Variants in PRKAR1B observed in about 807,000 individuals in gnomAD.
PRKAR1B encodes protein kinase cAMP-dependent type I regulatory subunit beta.
In PRKAR1B, 22 loss-of-function variants were observed where a neutral mutation model predicts 46.5. That is an observed-to-expected ratio of 0.47 (90% CI 0.34 to 0.68). The LOEUF is 0.68. PRKAR1B is among the 30% of genes least tolerant of loss of function. PRKAR1B has a pLI of 0.01. For missense variants in PRKAR1B, 445 were observed against 535.6 expected (o/e 0.83, Z 1.67); for synonymous variants, 259 against 217.7 (o/e 1.19, Z -1.67).
chr7:628,444 T>C (rs1178171002), intron 4 of PRKAR1B, among the ~76,000 whole-genome samples: 1 of 152,266 alleles, frequency 6.6e-6, no homozygotes, highest in Non-Finnish European at 1.5e-5. Flanking sequence ...AGGATCTTTC[T>C]TCTCCAAGGA....
At chr7:574,211 C>A (rs1011967166) in intron 9 of PRKAR1B, among the ~76,000 whole-genome samples, 6 of 152,238 alleles carry the variant, frequency 3.9e-5, no homozygotes, top group African/African-American at 1.4e-4. Flanking sequence ...GCCACAGCTA[C>A]CCATTCTCTC....
At chr7:680,408 G>T in intron 3 of PRKAR1B, 148 bp downstream of exon 3, 1 of 811,548 alleles carries the variant, frequency 1.2e-6, no homozygotes, top group Non-Finnish European at 1.8e-6. Context: ...AACTGCCTCT[G>T]CCATCACCCA....
At chr7:592,665 C>T (rs1042495113) in intron 7 of PRKAR1B, among the ~76,000 whole-genome samples, 9 of 152,236 alleles carry the variant, frequency 5.9e-5, no homozygotes, top group Non-Finnish European at 1.2e-4. Context: ...ATTCTACATC[C>T]ATTGCTTCCA....
intron 6 of PRKAR1B, among the ~76,000 whole-genome samples, chr7:596,634 A>C (rs563572216): frequency 2.6e-5 from 4 of 152,074 alleles, no homozygotes; most frequent in Admixed American, 2.6e-4. Flanking sequence ...CCCCAGCCTG[A>C]CTCCCAGGCA....
chr7:712,393 C>A (rs1397043255), intron 1 of PRKAR1B: 3 of 149,308 alleles, frequency 2.0e-5, no homozygotes, highest in Non-Finnish European at 4.5e-5. Context: ...CCGGCGCAGA[C>A]CCCAGCCCGG....
chr7:596,771 T>C (rs1013120563), intron 6 of PRKAR1B, among the ~76,000 whole-genome samples: 1 of 152,206 alleles, frequency 6.6e-6, no homozygotes, highest in African/African-American at 2.4e-5. Context: ...GTGCTTCCTC[T>C]CCACCCCAGG....
At chr7:637,525 CT>C in intron 4 of PRKAR1B, among the ~76,000 whole-genome samples, 1 of 152,226 alleles carries the variant, frequency 6.6e-6, no homozygotes, top group East Asian at 1.9e-4. Flanking sequence ...TTCAGTGCAC[CT>C]TTAAAAGAAT....
At chr7:710,311 T>C (rs1780549310) in intron 2 of PRKAR1B, among the ~76,000 whole-genome samples, 1 of 152,004 alleles carries the variant, frequency 6.6e-6, no homozygotes, top group Non-Finnish European at 1.5e-5. Context: ...AGGAGAAACA[T>C]TAGGTGATAC....
intron 9 of PRKAR1B, among the ~76,000 whole-genome samples, chr7:571,667 G>A (rs988015963): frequency 6.6e-6 from 1 of 152,216 alleles, no homozygotes; most frequent in African/African-American, 2.4e-5. Flanking sequence ...CGGCTCCCGG[G>A]GTCCAGCTGC....
Position 646,422 on chromosome 7 carries a change from A to G in PRKAR1B, c.440+30807T>C, listed in dbSNP as rs148997284. ...AAATTCTAAACCTGGGGAAATCCAAATTCATGAACTTTTCTGCTTCTGCAA... is the reference window on the plus strand; with the variant it reads ...AAATTCTAAACCTGGGGAAATCCAAGTTCATGAACTTTTCTGCTTCTGCAA... On this transcript the variant is annotated intron_variant, in intron 4 of 10. Transcript: ENST00000537384. Among the ~76,000 whole-genome samples, 33 of 152,346 alleles carry G rather than the reference A, an allele frequency of 2.2e-4. No individual in the cohort carries two copies. The East Asian group carries it at 6.4e-3, about 29-fold the overall frequency.
chr7:656,200 AAATG>A (rs1785176916), intron 4 of PRKAR1B, among the ~76,000 whole-genome samples: 1 of 152,084 alleles, frequency 6.6e-6, no homozygotes, highest in Admixed American at 6.5e-5. Context: ...ATGAATGGAA[AAATG>A]AATGAATGGA....
chr7:558,328 G>GA (rs997641029), intron 9 of PRKAR1B, among the ~76,000 whole-genome samples: 22,215 of 69,986 alleles, frequency 0.32, 3,224 homozygotes, highest in East Asian at 0.35. Context: ...CCTGTCTCAG[G>GA]AAAAAAAAAA....
intron 4 of PRKAR1B, among the ~76,000 whole-genome samples, chr7:637,340 C>T (rs1784169140): frequency 6.6e-6 from 1 of 151,978 alleles, no homozygotes; most frequent in Non-Finnish European, 1.5e-5. Flanking sequence ...TCGCTTGAAC[C>T]AGGGAGGTGG....
chr7:581,483 T>C (rs1351210984), intron 8 of PRKAR1B, among the ~76,000 whole-genome samples: 1 of 152,158 alleles, frequency 6.6e-6, no homozygotes, highest in Non-Finnish European at 1.5e-5. Flanking sequence ...AGCATATGAA[T>C]TTGGAGTGTT....
At chr7:565,001 G>A (rs530474933) in intron 9 of PRKAR1B, 2 of 152,198 alleles carry the variant, frequency 1.3e-5, no homozygotes, top group Non-Finnish European at 2.9e-5. Context: ...CCTGCCTGGC[G>A]ACTTCCTGGG....
At chr7:679,580 C>T (rs906969820) in intron 3 of PRKAR1B, among the ~76,000 whole-genome samples, 2 of 152,108 alleles carry the variant, frequency 1.3e-5, no homozygotes, top group African/African-American at 2.4e-5. Flanking sequence ...ATGGGGTGTG[C>T]GTGTTTAGGG....
In PRKAR1B at chr7:605,095, A is replaced by G. The variant is rs1781936234; in HGVS notation, c.549+1098T>C. On this transcript the variant is annotated intron_variant, in intron 6 of 10. Coordinates refer to ENST00000537384, the MANE Select transcript of PRKAR1B (RefSeq NM_001164760.2). ...GACATGTCTGCTGATGCCCACTGGG[A>G]AGTGACATTTAGCAGAGAGCAGAAG... Among the ~76,000 whole-genome samples the G allele has an allele frequency of 1.3e-5, 2 of 152,172 alleles. 1 individual carries two copies. The highest frequency in any genetic ancestry group is 4.1e-4 in the South Asian group (2 of 4,820).
intron 2 of PRKAR1B, among the ~76,000 whole-genome samples, chr7:695,665 T>G (rs935130514): frequency 2.0e-5 from 3 of 150,368 alleles, no homozygotes; most frequent in African/African-American, 7.5e-5. Context: ...GTTTTTTTTG[T>G]TTTTTGTTTT....
rs144344552 is a variant in PRKAR1B at position 597,391 on chromosome 7, C to T, written c.550-1087G>A. Among the ~76,000 whole-genome samples the T allele has an allele frequency of 2.7e-3, 416 of 152,300 alleles. 1 individual carries two copies. Among genetic ancestry groups the T allele is most frequent in the African/African-American group, 9.3e-3 (388 of 41,556 alleles). On this transcript the variant is annotated intron_variant, in intron 6 of 10. Coordinates refer to ENST00000537384, the MANE Select transcript of PRKAR1B (RefSeq NM_001164760.2). ...CCACGAACTTTCGGAGGCACAGGGGCGACTGCTGTGCAAAGGCAGACTCTG... is the reference window on the plus strand; with the variant it reads ...CCACGAACTTTCGGAGGCACAGGGGTGACTGCTGTGCAAAGGCAGACTCTG...
Sources: allele counts gnomAD v4.1 joint callset (sites outside exome capture counted in the v4.1 genomes callset), GRCh38; gene constraint gnomAD v4.1.1; transcripts MANE v1.5; gene names NCBI Gene and HGNC (gene_info 2026-07-23, HGNC 2026-07-21).